Variants in ABCB11 observed in about 807,000 individuals in gnomAD.
ABCB11 encodes bile salt export pump.
Under a neutral mutation model 148.0 loss-of-function variants are expected in ABCB11, and 95 were observed. The ratio of observed to expected loss-of-function variants is 0.64; its 90% CI spans 0.54 to 0.76. The LOEUF is 0.76. Ranked by LOEUF, ABCB11 falls within the 30% of genes least tolerant of loss-of-function variation. ABCB11 has a pLI of 0.00. For synonymous variants in ABCB11, 591 were observed against 555.4 expected, an observed-to-expected ratio of 1.06 and a Z score of -0.90; for missense variants, 1,523 against 1,617.8, an observed-to-expected ratio of 0.94 and a Z score of 1.01.
At chr2:169,017,836 A>G in intron 2 of ABCB11, 1 of 720,916 alleles carries the variant, frequency 1.4e-6, no homozygotes, top group South Asian at 1.4e-5. Context: ...GCTTTCATTT[A>G]CACACACTTG....
chr2:169,030,812 C>T (rs1402970622), intron 1 of ABCB11, among the ~76,000 whole-genome samples: 1 of 152,114 alleles, frequency 6.6e-6, no homozygotes, highest in African/African-American at 2.4e-5. Flanking sequence ...ATTAAACCAG[C>T]TTTCAAGGGT....
In ABCB11 at chr2:169,017,872, A is replaced by G. The variant is rs1328968096; in HGVS notation, c.76+178T>C. The G allele has an allele frequency of 4.3e-5, 33 of 764,878 alleles. No individual in the cohort carries two copies. In the East Asian group the frequency reaches 7.8e-4, roughly 18 times the overall value. 47.4% of individuals were successfully genotyped at this position (764,878 alleles called of 1,614,324 possible). A position where few individuals can be genotyped will look rare whatever the true frequency, so the allele number is the denominator to read the frequency against. On this transcript the variant is annotated intron_variant, in intron 2 of 27. Transcript: ENST00000650372. ...GTGTGTTCTTACCTAGTGCTTTCAG[A>G]TATTACGTTACATGGATTCTAGGGA...
downstream of ABCB11, among the ~76,000 whole-genome samples, chr2:168,920,528 T>TTA (rs1361191939): frequency 6.8e-6 from 1 of 147,696 alleles, no homozygotes; most frequent in Non-Finnish European, 1.5e-5. Flanking sequence ...TTCCCCAACT[T>TTA]TATCTTCCAA....
intron 23 of ABCB11, among the ~76,000 whole-genome samples, chr2:168,934,424 C>T (rs1046439175): frequency 6.6e-6 from 1 of 152,180 alleles, no homozygotes; most frequent in Non-Finnish European, 1.5e-5. Context: ...ATGTGTACCT[C>T]GTTCCCCAGT....
chr2:168,917,317 G>T (rs562903721), downstream of ABCB11, among the ~76,000 whole-genome samples: 1 of 152,010 alleles, frequency 6.6e-6, no homozygotes, highest in Non-Finnish European at 1.5e-5. Context: ...CTGAGAGCCT[G>T]TTTTCAAAAT....
At position 168,987,251 on chromosome 2, in the gene ABCB11, T is replaced by C. The variant is rs182805078; in HGVS notation, c.909-967A>G. The stretch of plus-strand genomic sequence containing the variant: ...CTACAACACATAAAGTAAGAGTTGC[T>C]ATTCAGTTGGTAGCTATTTTATAAA... On this transcript the variant is annotated intron_variant, in intron 9 of 27. Transcript: ENST00000650372. Among the ~76,000 whole-genome samples the C allele has an allele frequency of 6.5e-4, 99 of 152,308 alleles. 2 individuals are homozygous for C. In the South Asian group the frequency reaches 0.019, roughly 30 times the overall value.
rs968343574 is a variant in ABCB11 at position 168,979,796 on chromosome 2, A to G, written c.1197+70T>C. On this transcript the variant is annotated intron_variant, in intron 11 of 27. Coordinates refer to ENST00000650372, the MANE Select transcript of ABCB11 (RefSeq NM_003742.4). ...TTTTTAACTTTAAGGTAAATTCTTC[A>G]GGAGTTCATTCTGTGCCCCACCCCC... 7 of 840,882 alleles carry G rather than the reference A, an allele frequency of 8.3e-6. No homozygotes were observed. In the African/African-American group the frequency reaches 1.2e-4, roughly 15 times the overall value. The allele number at this position is 840,882 out of a possible 1,614,324, so 52.1% of individuals were successfully genotyped here. A position where few individuals can be genotyped will look rare whatever the true frequency, so the allele number is the denominator to read the frequency against.
rs1574458903 is a variant in ABCB11, at chr2:168,976,679, G to T, written c.1206C>A (p.Ile402=). ...SIFETIDRKP[I]IDCMSEDGYK... ...AACCATCTTCTGACATGCAGTCAAT[G>T]ATGGGTTTCTGGAGTGAAATACAAA... Residue 402 remains isoleucine, a synonymous_variant, in exon 12 of 28, where the codon ATC becomes ATA. Transcript: ENST00000650372. 6.2e-7 allele frequency: 1 copy of T among 1,607,932 alleles called. No homozygotes were observed. The highest frequency in any genetic ancestry group is 8.5e-7 in the Non-Finnish European group (1 of 1,175,020).
At chr2:168,917,017 A>G (rs1216163508), downstream of ABCB11, among the ~76,000 whole-genome samples, 2 of 152,170 alleles carry the variant, frequency 1.3e-5, no homozygotes, top group Admixed American at 6.6e-5. Context: ...GATCCTATGT[A>G]TTTTACACTT....
At chr2:168,983,124 T>C (rs73018765) in intron 10 of ABCB11, among the ~76,000 whole-genome samples, 3,637 of 152,268 alleles carry the variant, frequency 0.024, 70 homozygotes, top group African/African-American at 0.041. Context: ...GTGCTTCCAG[T>C]TGGTATTGTG....
intron 11 of ABCB11, 105 bp downstream of exon 11, chr2:168,979,761 G>C: frequency 1.9e-6 from 1 of 540,094 alleles, no homozygotes; most frequent in Non-Finnish European, 3.3e-6. Flanking sequence ...CCTTGCGATA[G>C]CTTCTTATAT....
At chr2:168,943,359 TA>T (rs1388406056) in intron 21 of ABCB11, among the ~76,000 whole-genome samples, 2 of 152,034 alleles carry the variant, frequency 1.3e-5, no homozygotes, top group East Asian at 3.9e-4. Flanking sequence ...TTTTGAGAAC[TA>T]AGAAAATAAT....
In ABCB11 at chr2:168,927,212, C is replaced by A; in HGVS notation, c.3562G>T (p.Val1188Phe). The A allele has an allele frequency of 6.2e-7, 1 of 1,613,918 alleles. No individual in the cohort carries two copies. Among genetic ancestry groups the A allele is most frequent in the Non-Finnish European group, 8.5e-7 (1 of 1,179,822 alleles). The change falls in exon 26 of 28, where the codon GTC becomes TTC. Residue 1188 changes from valine to phenylalanine, a missense_variant. Physicochemically the swap from Val to Phe is conservative, Grantham distance 50. Coordinates refer to ENST00000650372, the MANE Select transcript of ABCB11 (RefSeq NM_003742.4). Reference protein sequence around the residue: ...DNTKEIPMERVIAAAKQAQLH... With the variant: ...DNTKEIPMERFIAAAKQAQLH... ...TGAGCCTGTTTTGCAGCTGCTATGACTCTTTCCATGGGAATTTCTTTGGTG... is the reference window on the plus strand; with the variant it reads ...TGAGCCTGTTTTGCAGCTGCTATGAATCTTTCCATGGGAATTTCTTTGGTG...
chr2:168,923,854 G>A, intron 27 of ABCB11, 32 bp from the exon 28 acceptor site: 1 of 1,606,146 alleles, frequency 6.2e-7, no homozygotes, highest in Non-Finnish European at 8.5e-7. Flanking sequence ...TTGATGCAAA[G>A]ATGCATGATT....
Position 168,924,746 on chromosome 2 carries a change from G to A in ABCB11, c.3676C>T (p.Arg1226Cys), listed in dbSNP as rs772241929. 40 of 1,613,466 alleles carry A rather than the reference G, an allele frequency of 2.5e-5. No individual in the cohort carries two copies. The highest frequency in any genetic ancestry group is 1.2e-4 in the Admixed American group (7 of 59,980). ...GSQLSRGEKQRIAIARAIVRD... is the reference protein window; with the variant it reads ...GSQLSRGEKQCIAIARAIVRD... The stretch of plus-strand genomic sequence containing the variant: ...ACAATGGCCCGAGCAATAGCAATGC[G>A]TTGTTTCTCCCCTCTAGAGAGTTGA... Residue 1226 changes from arginine to cysteine, a missense_variant, in exon 27 of 28, where the codon CGC becomes TGC. Coordinates refer to ENST00000650372, the MANE Select transcript of ABCB11 (RefSeq NM_003742.4).
In ABCB11 at chr2:169,013,289, T is replaced by A. The variant is rs2106047515; in HGVS notation, c.372A>T (p.Thr124=). 6.2e-7 allele frequency: 1 copy of A among 1,609,978 alleles called. No homozygotes were observed. Among genetic ancestry groups the A allele is most frequent in the Non-Finnish European group, 8.5e-7 (1 of 1,177,476 alleles). The change falls in exon 5 of 28, where the codon ACA becomes ACT. Residue 124 remains threonine, a synonymous_variant. Coordinates refer to ENST00000650372, the MANE Select transcript of ABCB11 (RefSeq NM_003742.4). The part of the protein sequence containing the change: ...WTNSSLNQNM[T]NGTRCGLLNI... ...CAACCTACCCACAACGTGTTCCATT[T>A]GTCATGTTCTGGTTGAGGGAACTGT...
At chr2:168,961,638 A>C (rs1475394683) in intron 18 of ABCB11, among the ~76,000 whole-genome samples, 1 of 151,748 alleles carries the variant, frequency 6.6e-6, no homozygotes, top group Non-Finnish European at 1.5e-5. Flanking sequence ...TCCTAAACTT[A>C]ATGTTGTCAA....
rs368289242 is a variant in ABCB11 at position 168,995,338 on chromosome 2, C to T, written c.611+11G>A. ...ATCACACACTAAAATACTGTTTTACCAGCTACTTACTCAGAGAATCTTGTA... is the reference window on the plus strand; with the variant it reads ...ATCACACACTAAAATACTGTTTTACTAGCTACTTACTCAGAGAATCTTGTA... On this transcript the variant is annotated intron_variant, in intron 7 of 27. Coordinates refer to ENST00000650372, the MANE Select transcript of ABCB11 (RefSeq NM_003742.4). The T allele has an allele frequency of 1.9e-6, 3 of 1,609,296 alleles. No individual in the cohort carries two copies. The African/African-American group carries it at 4.0e-5, about 22-fold the overall frequency.
rs1225457486 is a variant in ABCB11 at position 168,958,085 on chromosome 2, A to G, written c.2222T>C (p.Val741Ala). 1.2e-6 allele frequency: 2 copies of G among 1,611,078 alleles called. No individual in the cohort carries two copies. The highest frequency in any genetic ancestry group is 1.3e-5 in the African/African-American group (1 of 74,674). Residue 741 changes from valine (V) to alanine (A), a missense_variant, in exon 19 of 28, where the codon GTT becomes GCT. Val to Ala is a moderately conservative substitution (Grantham distance 64, BLOSUM62 0). Coordinates refer to ENST00000650372, the MANE Select transcript of ABCB11 (RefSeq NM_003742.4). ...AGCACTGAATTTCAGAATCCTCCTA[A>G]CTGGGGCAGGTTCAACTTCTTCCTG... ...PVQEEVEPAP[V>A]RRILKFSAPE...
Sources: allele counts gnomAD v4.1 joint callset (sites outside exome capture counted in the v4.1 genomes callset), GRCh38; gene constraint gnomAD v4.1.1; transcripts MANE v1.5; gene names NCBI Gene and HGNC (gene_info 2026-07-23, HGNC 2026-07-21).